Variants in ROBO1 observed in about 807,000 individuals in gnomAD.
ROBO1 encodes the protein roundabout guidance receptor 1.
A neutral mutation model predicts 195.9 loss-of-function variants in ROBO1; 149 were observed. The ratio of observed to expected loss-of-function variants is 0.76; its 90% confidence interval spans 0.67 to 0.87. The LOEUF (loss-of-function observed/expected upper bound fraction) is 0.87, where lower values mean the gene tolerates loss of function less well. Among genes scored for constraint, ROBO1 ranks in the 40% least tolerant of loss-of-function variants. The pLI, the probability that ROBO1 is intolerant of heterozygous loss-of-function variation, is 0.00. For synonymous variants in ROBO1, 816 were observed against 733.2 expected, an observed-to-expected ratio of 1.11 and a Z score of -1.82; for missense variants, 1,933 against 2,068.3, an observed-to-expected ratio of 0.93 and a Z score of 1.27.
Position 79,032,760 on chromosome 3 carries a change from G to A in ROBO1, c.172+92696C>T, listed in dbSNP as rs549621851. ...AACATAAATCAAAAACTCAAGGGGT[G>A]CACATACACATACACATCCTATTGA... is the stretch of plus-strand genomic sequence containing the variant. On this transcript the variant is annotated intron_variant, in intron 3 of 30. Transcript: ENST00000464233. Among the ~76,000 whole-genome samples, 4 of 152,122 alleles carry A rather than the reference G, an allele frequency of 2.6e-5. No homozygotes were observed. The East Asian group carries it at 7.7e-4, about 29-fold the overall frequency.
At chr3:79,286,805 AC>A (rs1317801415) in intron 2 of ROBO1, among the ~76,000 whole-genome samples, 6 of 152,224 alleles carry the variant, frequency 3.9e-5, no homozygotes, top group Non-Finnish European at 7.4e-5. Context: ...GAAAATAGTT[AC>A]AATTGATTTT....
intron 2 of ROBO1, among the ~76,000 whole-genome samples, chr3:79,530,831 TAGAATA>T (rs66805677): frequency 0.49 from 72,717 of 149,272 alleles, 17,853 homozygotes; most frequent in Non-Finnish European, 0.51. Context: ...CCAGTGTTCT[TAGAATA>T]AAGATGGAAG....
chr3:79,019,047 G>A, intron 3 of ROBO1: 4 of 989,246 alleles, frequency 4.0e-6, no homozygotes, highest in Non-Finnish European at 3.6e-6. Context: ...CGCAGAGAGC[G>A]AGCGAGGGGG....
At chr3:79,078,875 G>T (rs1240275381) in intron 3 of ROBO1, among the ~76,000 whole-genome samples, 1 of 151,642 alleles carries the variant, frequency 6.6e-6, no homozygotes, top group Non-Finnish European at 1.5e-5. Context: ...TAATCCAGGT[G>T]TTTTGGTTTG....
intron 2 of ROBO1, among the ~76,000 whole-genome samples, chr3:79,441,611 C>A (rs922698049): frequency 9.9e-5 from 15 of 151,998 alleles, no homozygotes; most frequent in African/African-American, 3.6e-4. Flanking sequence ...TCTCCTTAGT[C>A]CTTCAAATAA....
chr3:79,275,375 A>C (rs755179118), intron 2 of ROBO1, among the ~76,000 whole-genome samples: 11 of 152,038 alleles, frequency 7.2e-5, no homozygotes, highest in Non-Finnish European at 1.3e-4. Context: ...ATGCAGGATA[A>C]AAATCATATA....
chr3:79,040,400 C>T (rs191350336), intron 3 of ROBO1, among the ~76,000 whole-genome samples: 1 of 152,102 alleles, frequency 6.6e-6, no homozygotes, highest in Admixed American at 6.5e-5. Flanking sequence ...TTACTCTTAC[C>T]GTTTCAACAA....
At chr3:79,107,583 G>T (rs1241202915) in intron 3 of ROBO1, among the ~76,000 whole-genome samples, 1 of 151,632 alleles carries the variant, frequency 6.6e-6, no homozygotes, top group Non-Finnish European at 1.5e-5. Context: ...GATTATAGGT[G>T]GCTGAAAAGG....
chr3:79,571,189 G>A (rs1430263096), intron 2 of ROBO1, among the ~76,000 whole-genome samples: 1 of 152,008 alleles, frequency 6.6e-6, no homozygotes, highest in African/African-American at 2.4e-5. Flanking sequence ...TTTATGAGAG[G>A]CAATAACTTG....
At chr3:79,669,328 A>G (rs1946565234) in intron 1 of ROBO1, among the ~76,000 whole-genome samples, 2 of 151,800 alleles carry the variant, frequency 1.3e-5, no homozygotes, top group South Asian at 4.1e-4. Flanking sequence ...GTGGAACTGT[A>G]AGTAAATTAA....
chr3:79,190,405 C>G (rs1355917093), intron 2 of ROBO1, among the ~76,000 whole-genome samples: 1 of 151,552 alleles, frequency 6.6e-6, no homozygotes, highest in Non-Finnish European at 1.5e-5. Context: ...TGAATAACTG[C>G]ATGTGAATAG....
intron 2 of ROBO1, among the ~76,000 whole-genome samples, chr3:79,150,576 A>T (rs2080747629): frequency 6.6e-6 from 1 of 151,804 alleles, no homozygotes; most frequent in African/African-American, 2.4e-5. Flanking sequence ...TCTTTACTAA[A>T]AAAGGATATT....
chr3:79,328,576 T>C lies in ROBO1; in HGVS notation c.89-203037A>G, dbSNP rs928417628. On this transcript the variant is annotated intron_variant, in intron 2 of 30. Coordinates refer to ENST00000464233, the MANE Select transcript of ROBO1 (RefSeq NM_002941.4). ...CAATTTTATGCACATAATGTCAATC[T>C]ATAATAGAGTTCTATAATCCATGAT... Among the ~76,000 whole-genome samples the C allele has an allele frequency of 3.0e-4, 45 of 152,182 alleles. 1 individual carries two copies. The highest frequency in any genetic ancestry group is 1.1e-3 in the African/African-American group (45 of 41,454).
At chr3:79,317,649 G>A (rs185054133) in intron 2 of ROBO1, among the ~76,000 whole-genome samples, 2 of 151,994 alleles carry the variant, frequency 1.3e-5, no homozygotes, top group Admixed American at 1.3e-4. Flanking sequence ...ATGTTAGCTG[G>A]ACCTAGATCA....
intron 2 of ROBO1, among the ~76,000 whole-genome samples, chr3:79,255,028 T>C (rs2082803422): frequency 6.6e-6 from 1 of 152,108 alleles, no homozygotes; most frequent in South Asian, 2.1e-4. Context: ...TGCTTTCAAA[T>C]AGAAGTTGAA....
chr3:79,659,072 C>T (rs909602863), intron 1 of ROBO1, among the ~76,000 whole-genome samples: 1 of 151,894 alleles, frequency 6.6e-6, no homozygotes, highest in Non-Finnish European at 1.5e-5. Context: ...ATTAACGTAG[C>T]ATTAATAAAT....
intron 3 of ROBO1, among the ~76,000 whole-genome samples, chr3:79,027,172 C>T (rs1441506446): frequency 6.6e-6 from 1 of 151,992 alleles, no homozygotes; most frequent in African/African-American, 2.4e-5. Flanking sequence ...CATTTCCTAG[C>T]GGAAAATGGG....
At chr3:79,431,545 A>G (rs2038679449) in intron 2 of ROBO1, among the ~76,000 whole-genome samples, 1 of 152,154 alleles carries the variant, frequency 6.6e-6, no homozygotes, top group African/African-American at 2.4e-5. Flanking sequence ...AAGAGAATAA[A>G]AGGTGGAAAT....
intron 4 of ROBO1, among the ~76,000 whole-genome samples, chr3:78,878,596 A>C (rs1309033723): frequency 6.6e-6 from 1 of 151,160 alleles, no homozygotes; most frequent in African/African-American, 2.4e-5. Flanking sequence ...AAAAAAAAAA[A>C]AAAAAAAAAA....
Sources: gnomAD v4.1 joint callset for allele counts (sites outside exome capture counted in the v4.1 genomes callset) on GRCh38, gnomAD v4.1.1 for gene constraint, MANE v1.5 for transcripts, NCBI Gene and HGNC (gene_info 2026-07-23, HGNC 2026-07-21) for gene names.